FAM178B: variants seen among roughly 807,000 people sequenced by gnomAD.
FAM178B encodes protein FAM178B.
A neutral mutation model predicts 91.7 loss-of-function variants in FAM178B; 82 were observed. The ratio of observed to expected loss-of-function variants is 0.89; its 90% CI spans 0.75 to 1.07. The LOEUF (loss-of-function observed/expected upper bound fraction) is 1.07. FAM178B is among the 50% of genes least tolerant of loss of function. FAM178B has a pLI of 0.00. For synonymous variants in FAM178B, 368 were observed against 359.4 expected (o/e 1.02, Z -0.27); for missense variants, 769 against 846.7 (o/e 0.91, Z 1.14).
intron 12 of FAM178B, among the ~76,000 whole-genome samples, chr2:96,908,710 C>T (rs1203140503): frequency 1.3e-5 from 2 of 152,170 alleles, no homozygotes; most frequent in Non-Finnish European, 2.9e-5. Context: ...GCAAAGGGCA[C>T]GAAGTGTCCA....
At chr2:96,962,494 C>T (rs4586672) in intron 5 of FAM178B, among the ~76,000 whole-genome samples, 118,576 of 150,926 alleles carry the variant, frequency 0.79, 48,070 homozygotes, top group Non-Finnish European at 0.88. Flanking sequence ...GGCTAATCTA[C>T]AAAGGGGTCC....
At chr2:96,902,866 C>T (rs1468518415) in intron 12 of FAM178B, among the ~76,000 whole-genome samples, 159 bp from the exon 13 acceptor site, 2 of 152,172 alleles carry the variant, frequency 1.3e-5, no homozygotes, top group African/African-American at 4.8e-5. Flanking sequence ...ATTATGTATT[C>T]TAGGAGGAAT....
At chr2:96,955,595 G>A (rs530513473) in intron 6 of FAM178B, among the ~76,000 whole-genome samples, 21 of 152,268 alleles carry the variant, frequency 1.4e-4, no homozygotes, top group South Asian at 4.2e-4. Context: ...CAGGAGAATC[G>A]CTTGAACCTG....
chr2:96,890,001 C>T (rs1340501969), intron 14 of FAM178B, among the ~76,000 whole-genome samples: 4 of 145,028 alleles, frequency 2.8e-5, no homozygotes, highest in Admixed American at 6.9e-5. Context: ...ATTGGCTGGG[C>T]GTGGTGGCTC....
At chr2:96,888,276 C>T (rs1164398929) in intron 14 of FAM178B, among the ~76,000 whole-genome samples, 1 of 152,264 alleles carries the variant, frequency 6.6e-6, no homozygotes, top group East Asian at 1.9e-4. Flanking sequence ...TATCCATTTT[C>T]TGTTCCTCAA....
intron 6 of FAM178B, among the ~76,000 whole-genome samples, chr2:96,957,275 C>A (rs1209199407): frequency 6.6e-6 from 1 of 152,176 alleles, no homozygotes; most frequent in Non-Finnish European, 1.5e-5. Context: ...GCCTTGAAGT[C>A]CTTGGCACAA....
chr2:96,931,071 G>A (rs1261598996), intron 8 of FAM178B, among the ~76,000 whole-genome samples: 2 of 152,172 alleles, frequency 1.3e-5, no homozygotes, highest in African/African-American at 4.8e-5. Flanking sequence ...GACCAAAACA[G>A]GGAGACTGAA....
intron 3 of FAM178B, among the ~76,000 whole-genome samples, chr2:96,971,555 G>A (rs2082218251): frequency 6.6e-6 from 1 of 152,178 alleles, no homozygotes; most frequent in Non-Finnish European, 1.5e-5. Context: ...AGACAACCAA[G>A]CCCAGACCTC....
intron 1 of FAM178B, among the ~76,000 whole-genome samples, chr2:96,985,403 C>T (rs2082410318): frequency 6.6e-6 from 1 of 152,180 alleles, no homozygotes; most frequent in Non-Finnish European, 1.5e-5. Context: ...CTCTTGTCTC[C>T]CCGAATCCTG....
intron 14 of FAM178B, among the ~76,000 whole-genome samples, chr2:96,880,805 A>C (rs753120088): frequency 6.6e-6 from 1 of 152,250 alleles, no homozygotes; most frequent in East Asian, 1.9e-4. Flanking sequence ...CGTGTTAGCC[A>C]GGATGGCCTC....
intron 8 of FAM178B, among the ~76,000 whole-genome samples, chr2:96,946,442 A>G (rs1412854200): frequency 1.3e-5 from 2 of 152,022 alleles, no homozygotes; most frequent in Non-Finnish European, 2.9e-5. Flanking sequence ...CTTTCCCCAT[A>G]CCAGTTGAGA....
chr2:96,959,199 GAAAAAAAAAAA>G lies in FAM178B; in HGVS notation c.887+1078_887+1088del, dbSNP rs57498168. Among the ~76,000 whole-genome samples, 76 of 82,132 alleles carry G rather than the reference GAAAAAAAAAAA, an allele frequency of 9.3e-4. 1 individual carries two copies. The highest frequency in any genetic ancestry group is 2.3e-3 in the African/African-American group (71 of 30,868). 53.9% of individuals were successfully genotyped at this position (82,132 alleles called of 152,430 possible). ...GGGTGACAGAGCGAGACTCAGTTTT[GAAAAAAAAAAA>G]AAAAAAAAAAAAAAAAGTAATCCTG... On this transcript the variant is annotated intron_variant, in intron 6 of 16. Transcript: ENST00000490605.
In FAM178B at chr2:96,944,112, G is replaced by A. The variant is rs1388785335; in HGVS notation, c.1078+3706C>T. Among the ~76,000 whole-genome samples the A allele has an allele frequency of 3.3e-5, 5 of 151,864 alleles. No individual in the cohort carries two copies. In the East Asian group the frequency reaches 5.8e-4, roughly 18 times the overall value. ...ACAAAAATTAGCCGGGTGTGGTAGC[G>A]GTGCCTGTAGTCCCAGCTACTTAGG... On this transcript the variant is annotated intron_variant, in intron 8 of 16. Coordinates refer to ENST00000490605, the MANE Select transcript of FAM178B (RefSeq NM_001122646.3).
At chr2:96,968,660 A>C (rs550465424) in intron 4 of FAM178B, among the ~76,000 whole-genome samples, 1 of 148,366 alleles carries the variant, frequency 6.7e-6, no homozygotes, top group Non-Finnish European at 1.5e-5. Flanking sequence ...CAGAAGCCCC[A>C]TCACCCTCCT....
intron 12 of FAM178B, among the ~76,000 whole-genome samples, chr2:96,908,193 C>G (rs2153369824): frequency 6.6e-6 from 1 of 152,338 alleles, no homozygotes; most frequent in Middle Eastern, 3.4e-3. Context: ...ACAGACCAGT[C>G]TGAGCACACA....
At chr2:96,937,408 A>T (rs1245178597) in intron 8 of FAM178B, among the ~76,000 whole-genome samples, 1 of 151,884 alleles carries the variant, frequency 6.6e-6, no homozygotes, top group African/African-American at 2.4e-5. Context: ...TCAGGGCCAC[A>T]CTCCCGTGCT....
intron 8 of FAM178B, among the ~76,000 whole-genome samples, chr2:96,935,693 G>A (rs1248158719): frequency 6.6e-6 from 1 of 151,068 alleles, no homozygotes; most frequent in Non-Finnish European, 1.5e-5. Flanking sequence ...GAGTGCAGTG[G>A]CACGATCTCG....
At chr2:96,905,848 A>ATATGTGTGTGTGTG (rs2081035688) in intron 12 of FAM178B, among the ~76,000 whole-genome samples, 4 of 26,506 alleles carry the variant, frequency 1.5e-4, no homozygotes, top group Non-Finnish European at 2.2e-4. Flanking sequence ...ATATATATAT[A>ATATGTGTGTGTGTG]TATATATATA....
chr2:96,906,806 G>A (rs2081065050), intron 12 of FAM178B, among the ~76,000 whole-genome samples: 1 of 149,714 alleles, frequency 6.7e-6, no homozygotes, highest in African/African-American at 2.4e-5. Flanking sequence ...AGCAGCAGCT[G>A]GGCCGGGAAC....
Sources: allele counts gnomAD v4.1 joint callset (sites outside exome capture counted in the v4.1 genomes callset), GRCh38; gene constraint gnomAD v4.1.1; transcripts MANE v1.5; gene names NCBI Gene and HGNC (gene_info 2026-07-23, HGNC 2026-07-21).